CLIC5: variants seen among roughly 807,000 people sequenced by gnomAD.
CLIC5 encodes the protein chloride intracellular channel protein 5.
In CLIC5, 20 loss-of-function variants were observed where a neutral mutation model predicts 24.7. The ratio of observed to expected loss-of-function variants is 0.81; its 90% CI spans 0.57 to 1.18. CLIC5 has a LOEUF of 1.18. Among genes scored for constraint, CLIC5 ranks in the 50% most tolerant of loss-of-function variants. CLIC5 has a pLI of 0.00. For missense variants in CLIC5, 341 were observed against 326.1 expected, an observed-to-expected ratio of 1.05 and a Z score of -0.35; for synonymous variants, 159 against 135.6, an observed-to-expected ratio of 1.17 and a Z score of -1.20.
At chr6:46,070,419 T>C (rs1248618357) in intron 1 of CLIC5, among the ~76,000 whole-genome samples, 1 of 152,132 alleles carries the variant, frequency 6.6e-6, no homozygotes, top group African/African-American at 2.4e-5. Context: ...AGTATTCCTA[T>C]ACACCAACAA....
At chr6:46,019,460 A>C (rs60500554), upstream of CLIC5, among the ~76,000 whole-genome samples, 1 of 150,822 alleles carries the variant, frequency 6.6e-6, no homozygotes, top group Admixed American at 6.6e-5. Flanking sequence ...GCCGAGGCGG[A>C]TGGATCATGA....
chr6:45,958,893 T>C (rs1163806682), intron 1 of CLIC5, among the ~76,000 whole-genome samples: 1 of 152,062 alleles, frequency 6.6e-6, no homozygotes, highest in East Asian at 1.9e-4. Flanking sequence ...GTCCCTCCCT[T>C]TTTGTGGCTT....
chr6:45,976,594 C>T (rs1308422330), intron 1 of CLIC5, among the ~76,000 whole-genome samples: 2 of 152,220 alleles, frequency 1.3e-5, no homozygotes, highest in African/African-American at 4.8e-5. Context: ...ATGGCAAACT[C>T]ATTCATACAA....
intron 4 of CLIC5, chr6:45,934,424 G>A (rs79141704): frequency 6.6e-6 from 1 of 152,036 alleles, no homozygotes; most frequent in Non-Finnish European, 1.5e-5. Flanking sequence ...AAGTGGACTT[G>A]AAGGGGGAAG....
chr6:46,081,441 CTCTT>C (rs1272393461), upstream of CLIC5, among the ~76,000 whole-genome samples: 1 of 152,172 alleles, frequency 6.6e-6, no homozygotes, highest in Non-Finnish European at 1.5e-5. Context: ...CTTCGTTGTA[CTCTT>C]AGACTTCAAT....
chr6:45,988,942 A>G (rs1483902433), intron 1 of CLIC5, among the ~76,000 whole-genome samples: 4 of 152,178 alleles, frequency 2.6e-5, no homozygotes, highest in Non-Finnish European at 5.9e-5. Context: ...GTCTCAGTCT[A>G]TGAGGCTTGG....
chr6:46,124,772 GAACA>G, the CLIC5 span, among the ~76,000 whole-genome samples: 235 of 151,762 alleles, frequency 1.5e-3, 2 homozygotes, highest in African/African-American at 5.4e-3. Context: ...CAAAGGATAT[GAACA>G]GACACTTCTC....
chr6:46,118,112 C>T, the CLIC5 span, among the ~76,000 whole-genome samples: 1 of 152,216 alleles, frequency 6.6e-6, no homozygotes, highest in East Asian at 1.9e-4. Flanking sequence ...CTCACCCAGG[C>T]TGCAGGGATG....
chr6:46,010,722 C>T (rs1395063068), intron 1 of CLIC5, among the ~76,000 whole-genome samples: 1 of 152,194 alleles, frequency 6.6e-6, no homozygotes, highest in Admixed American at 6.5e-5. Context: ...TTCAAATATG[C>T]ATCATACAAC....
At chr6:45,997,810 G>C (rs1298777315) in intron 1 of CLIC5, among the ~76,000 whole-genome samples, 1 of 152,244 alleles carries the variant, frequency 6.6e-6, no homozygotes, top group Non-Finnish European at 1.5e-5. Context: ...CACACACAAT[G>C]AAAGTGGCTA....
intron 1 of CLIC5, among the ~76,000 whole-genome samples, chr6:45,976,761 A>G (rs10456557): frequency 0.27 from 40,991 of 152,150 alleles, 6,643 homozygotes; most frequent in Middle Eastern, 0.42. Context: ...CTCTGTCTAA[A>G]TATTCAAATG....
At chr6:46,005,980 GTATATATA>G (rs35395134) in intron 1 of CLIC5, among the ~76,000 whole-genome samples, 1 of 117,696 alleles carries the variant, frequency 8.5e-6, no homozygotes, top group East Asian at 2.3e-4. Flanking sequence ...GCCTATGTGT[GTATATATA>G]TATATATATA....
chr6:45,886,223 C>T (rs1043305998), intron 6 of CLIC5, among the ~76,000 whole-genome samples: 5 of 152,162 alleles, frequency 3.3e-5, no homozygotes, highest in Non-Finnish European at 7.4e-5. Flanking sequence ...GAGCAGAAAT[C>T]TTGAAAAACT....
rs147784066 is a variant in CLIC5, at chr6:45,980,372, G to A, written c.64-25128C>T. On this transcript the variant is annotated intron_variant, in intron 1 of 5. Coordinates refer to ENST00000339561, the MANE Select transcript of CLIC5 (RefSeq NM_016929.5). Reference sequence around the variant, plus strand: ...GGGAACTAAACATTGAATACACATGGCCATAAAGATGGGAATAATAGACAC... The same window carrying A: ...GGGAACTAAACATTGAATACACATGACCATAAAGATGGGAATAATAGACAC... 5.6e-3 allele frequency among the ~76,000 whole-genome samples: 850 copies of A among 152,202 alleles called. 42 individuals are homozygous for A. The highest frequency in any genetic ancestry group is 0.049 in the Admixed American group (755 of 15,270).
At chr6:45,896,921 C>G (rs981880115), downstream of CLIC5, among the ~76,000 whole-genome samples, 2 of 152,150 alleles carry the variant, frequency 1.3e-5, no homozygotes, top group Non-Finnish European at 2.9e-5. Flanking sequence ...AAAAAACAAC[C>G]ACCACAACCA....
chr6:45,994,762 G>A (rs1418667804), intron 1 of CLIC5, among the ~76,000 whole-genome samples: 13 of 152,156 alleles, frequency 8.5e-5, no homozygotes, highest in Admixed American at 6.5e-5. Flanking sequence ...GGTGCCCAGT[G>A]CCTACACCTT....
the CLIC5 span, among the ~76,000 whole-genome samples, chr6:46,091,759 G>T: frequency 6.6e-6 from 1 of 152,098 alleles, no homozygotes; most frequent in Non-Finnish European, 1.5e-5. Flanking sequence ...CCATTCATCT[G>T]TTGTTGGACA....
rs9472647 is a variant in CLIC5, at chr6:45,992,851, C to A, written c.63+22629G>T. 5.3e-3 allele frequency among the ~76,000 whole-genome samples: 803 copies of A among 152,104 alleles called. 7 individuals are homozygous for A. Among genetic ancestry groups the A allele is most frequent in the African/African-American group, 0.019 (773 of 41,492 alleles). On this transcript the variant is annotated intron_variant, in intron 1 of 5. Transcript: ENST00000339561. ...GTGTAATTTTGTACCCCATATGAAC[C>A]AATTTTATTACTTTTGGGGTGATAA...
chr6:45,968,009 T>G (rs1765074446), intron 1 of CLIC5, among the ~76,000 whole-genome samples: 1 of 152,184 alleles, frequency 6.6e-6, no homozygotes, highest in Admixed American at 6.5e-5. Flanking sequence ...TCAGTGGGTG[T>G]GCAGGGAATT....
Sources: gnomAD v4.1 joint callset for allele counts (sites outside exome capture counted in the v4.1 genomes callset) on GRCh38, gnomAD v4.1.1 for gene constraint, MANE v1.5 for transcripts, NCBI Gene and HGNC (gene_info 2026-07-23, HGNC 2026-07-21) for gene names.